Variants in PCDH9 observed in about 807,000 individuals in gnomAD.
PCDH9 encodes the protein protocadherin-9.
Under a neutral mutation model 70.6 loss-of-function variants are expected in PCDH9, and 24 were observed. The observed-to-expected ratio is 0.34, with a 90% CI of 0.25 to 0.48. PCDH9 has a LOEUF of 0.48. PCDH9 is among the 20% of genes least tolerant of loss of function. PCDH9 has a pLI of 0.99. For synonymous variants in PCDH9, 562 were observed against 558.5 expected, an observed-to-expected ratio of 1.01 and a Z score of -0.09; for missense variants, 1,281 against 1,503.6, an observed-to-expected ratio of 0.85 and a Z score of 2.45.
chr13:66,341,195 C>T (rs116881330), intron 4 of PCDH9, among the ~76,000 whole-genome samples: 380 of 152,202 alleles, frequency 2.5e-3, no homozygotes, highest in Non-Finnish European at 4.4e-3. Context: ...TGGGCTCAAG[C>T]AATCCTCCCA....
At chr13:66,767,209 G>A (rs1207600043) in intron 3 of PCDH9, among the ~76,000 whole-genome samples, 4 of 150,988 alleles carry the variant, frequency 2.6e-5, no homozygotes, top group East Asian at 1.9e-4. Flanking sequence ...GTGACTTCCC[G>A]GCACTGTGCT....
intron 3 of PCDH9, among the ~76,000 whole-genome samples, chr13:66,744,440 A>C (rs185293328): frequency 2.0e-5 from 3 of 152,292 alleles, no homozygotes; most frequent in Admixed American, 1.3e-4. Context: ...TATTTTGAAA[A>C]GTCCGAAACT....
chr13:67,100,382 G>A (rs2086408066), intron 2 of PCDH9, among the ~76,000 whole-genome samples: 1 of 152,054 alleles, frequency 6.6e-6, no homozygotes, highest in Admixed American at 6.6e-5. Context: ...AAAACTACTT[G>A]GAGAACACGA....
intron 3 of PCDH9, among the ~76,000 whole-genome samples, chr13:66,902,634 T>C (rs17081988): frequency 0.038 from 5,749 of 151,618 alleles, 325 homozygotes; most frequent in African/African-American, 0.12. Context: ...GTTACAGCTG[T>C]AAAAAAATAC....
At chr13:67,112,602 T>A (rs548360352) in intron 2 of PCDH9, among the ~76,000 whole-genome samples, 5 of 151,896 alleles carry the variant, frequency 3.3e-5, no homozygotes, top group Admixed American at 2.0e-4. Flanking sequence ...TGAAAAAAAA[T>A]GGATATCATT....
At chr13:66,755,197 C>T (rs896480719) in intron 3 of PCDH9, among the ~76,000 whole-genome samples, 9 of 148,600 alleles carry the variant, frequency 6.1e-5, no homozygotes, top group African/African-American at 2.0e-4. Flanking sequence ...ATCATGGGAA[C>T]AGAATAAATT....
intron 3 of PCDH9, among the ~76,000 whole-genome samples, chr13:66,878,552 A>T (rs1363166541): frequency 1.3e-5 from 2 of 152,098 alleles, no homozygotes; most frequent in African/African-American, 4.8e-5. Context: ...AAAAAGAAAA[A>T]ATCTTGTATT....
chr13:66,586,761 T>C (rs1277454018), intron 4 of PCDH9, among the ~76,000 whole-genome samples: 1 of 152,150 alleles, frequency 6.6e-6, no homozygotes, highest in Non-Finnish European at 1.5e-5. Context: ...ATACTATTAT[T>C]ACACAATATG....
At chr13:66,550,200 T>G (rs1415144102) in intron 4 of PCDH9, among the ~76,000 whole-genome samples, 1 of 152,120 alleles carries the variant, frequency 6.6e-6, no homozygotes, top group African/African-American at 2.4e-5. Context: ...CGTTTTATAA[T>G]AATTGTTTAA....
intron 3 of PCDH9, among the ~76,000 whole-genome samples, chr13:66,768,001 T>C (rs563893365): frequency 2.6e-5 from 4 of 152,182 alleles, no homozygotes; most frequent in African/African-American, 4.8e-5. Flanking sequence ...ACAAATCAAT[T>C]CTTCCGTGGA....
At chr13:66,595,625 A>G (rs1219485978) in intron 4 of PCDH9, among the ~76,000 whole-genome samples, 1 of 151,672 alleles carries the variant, frequency 6.6e-6, no homozygotes, top group Non-Finnish European at 1.5e-5. Flanking sequence ...AAGATTGTTT[A>G]TAATTGTAAT....
chr13:67,064,529 G>A (rs77964743), intron 2 of PCDH9, among the ~76,000 whole-genome samples: 15,239 of 152,084 alleles, frequency 0.1, 836 homozygotes, highest in South Asian at 0.14. Context: ...AAACTTCTCT[G>A]AACTGAAGTC....
chr13:66,339,966 C>G (rs1424140788), intron 4 of PCDH9, among the ~76,000 whole-genome samples: 1 of 152,108 alleles, frequency 6.6e-6, no homozygotes, highest in African/African-American at 2.4e-5. Context: ...TATTGTTCCT[C>G]AGGCTTAGCA....
At chr13:66,309,731 A>C (rs1451185834) in intron 4 of PCDH9, among the ~76,000 whole-genome samples, 1 of 151,868 alleles carries the variant, frequency 6.6e-6, no homozygotes, top group Non-Finnish European at 1.5e-5. Context: ...TCAAATATTT[A>C]TTAAAACCTA....
chr13:66,490,711 A>G (rs1959020265), intron 4 of PCDH9, among the ~76,000 whole-genome samples: 1 of 151,774 alleles, frequency 6.6e-6, no homozygotes, highest in South Asian at 2.1e-4. Flanking sequence ...TTGCTGAACT[A>G]TTTTTTTTAA....
intron 2 of PCDH9, among the ~76,000 whole-genome samples, chr13:67,140,075 G>A (rs1038933408): frequency 1.7e-5 from 2 of 116,148 alleles, no homozygotes; most frequent in Non-Finnish European, 3.2e-5. Flanking sequence ...CACTATTCTT[G>A]GAGTTTAAGG....
At chr13:66,888,903 A>G (rs1005256228) in intron 3 of PCDH9, among the ~76,000 whole-genome samples, 1 of 152,178 alleles carries the variant, frequency 6.6e-6, no homozygotes, top group Non-Finnish European at 1.5e-5. Flanking sequence ...ATAATTTTCT[A>G]TAATTGTGCC....
At chr13:67,048,240 T>C (rs1386774584) in intron 2 of PCDH9, among the ~76,000 whole-genome samples, 1 of 152,200 alleles carries the variant, frequency 6.6e-6, no homozygotes, top group African/African-American at 2.4e-5. Context: ...GAAAATGGCA[T>C]GGAAACCAGT....
At chr13:66,963,351 T>C (rs2083379933) in intron 2 of PCDH9, among the ~76,000 whole-genome samples, 1 of 152,200 alleles carries the variant, frequency 6.6e-6, no homozygotes, top group African/African-American at 2.4e-5. Context: ...TATTGTACTA[T>C]GAAGAGAGGC....
Sources: gnomAD v4.1 joint callset for allele counts (sites outside exome capture counted in the v4.1 genomes callset) on GRCh38, gnomAD v4.1.1 for gene constraint, MANE v1.5 for transcripts, NCBI Gene and HGNC (gene_info 2026-07-23, HGNC 2026-07-21) for gene names.